The following SNTG1 variants were observed in gnomAD, a reference collection of about 807,000 sequenced individuals.
SNTG1 encodes syntrophin gamma 1.
A neutral mutation model predicts 74.7 loss-of-function variants in SNTG1; 39 were observed. The ratio of observed to expected loss-of-function variants is 0.52; its 90% CI spans 0.40 to 0.68. The LOEUF is 0.68. Ranked by LOEUF, SNTG1 falls within the 30% of genes least tolerant of loss-of-function variation. SNTG1 has a pLI of 0.00. For synonymous variants in SNTG1, 254 were observed against 217.1 expected (o/e 1.17, Z -1.49); for missense variants, 685 against 609.5 (o/e 1.12, Z -1.30).
intron 17 of SNTG1, among the ~76,000 whole-genome samples, chr8:50,714,080 T>C (rs113916629): frequency 7.5e-6 from 1 of 133,876 alleles, no homozygotes; most frequent in Non-Finnish European, 1.6e-5. Flanking sequence ...AAAAAAAAGG[T>C]GGGGGGAGGG....
chr8:50,126,854 C>G (rs997381138), intron 1 of SNTG1, among the ~76,000 whole-genome samples: 1 of 152,010 alleles, frequency 6.6e-6, no homozygotes, highest in African/African-American at 2.4e-5. Flanking sequence ...AGGTGAGTAC[C>G]AGGCTCCACA....
At chr8:50,294,676 T>C (rs558224106) in intron 2 of SNTG1, among the ~76,000 whole-genome samples, 1 of 152,200 alleles carries the variant, frequency 6.6e-6, no homozygotes, top group Non-Finnish European at 1.5e-5. Context: ...TTCCCCAGAG[T>C]CCACAGATTT....
intron 17 of SNTG1, among the ~76,000 whole-genome samples, chr8:50,748,437 G>GATAT (rs1022656647): frequency 1.3e-5 from 2 of 151,972 alleles, no homozygotes; most frequent in African/African-American, 4.8e-5. Context: ...GATCACTGGT[G>GATAT]ATATGTTAAA....
intron 17 of SNTG1, among the ~76,000 whole-genome samples, chr8:50,738,331 AC>A (rs1221218327): frequency 2.0e-5 from 3 of 152,166 alleles, no homozygotes; most frequent in African/African-American, 4.8e-5. Context: ...AGAATAAAAT[AC>A]CTAGGGATAC....
chr8:50,132,534 G>C (rs1157488064), intron 1 of SNTG1, among the ~76,000 whole-genome samples: 1 of 152,070 alleles, frequency 6.6e-6, no homozygotes, highest in Non-Finnish European at 1.5e-5. Context: ...AAGAATTACA[G>C]GTCCCAGGCA....
chr8:50,359,223 T>A (rs2957601), intron 2 of SNTG1, among the ~76,000 whole-genome samples: 8 of 151,964 alleles, frequency 5.3e-5, no homozygotes, highest in African/African-American at 9.7e-5. Context: ...TGAGTTCAGC[T>A]CCTTAGTCCA....
intron 3 of SNTG1, among the ~76,000 whole-genome samples, chr8:50,398,885 G>A (rs1460429931): frequency 6.6e-6 from 1 of 152,132 alleles, no homozygotes; most frequent in Non-Finnish European, 1.5e-5. Context: ...AGCCAAGATC[G>A]CTCCACTGCA....
At chr8:50,274,169 C>T (rs2087949211) in intron 2 of SNTG1, among the ~76,000 whole-genome samples, 1 of 151,984 alleles carries the variant, frequency 6.6e-6, no homozygotes, top group South Asian at 2.1e-4. Context: ...CTCACTGCAC[C>T]CTCGCCTCCC....
At chr8:50,230,141 T>C (rs1467418048) in intron 2 of SNTG1, among the ~76,000 whole-genome samples, 2 of 151,368 alleles carry the variant, frequency 1.3e-5, no homozygotes, top group Admixed American at 1.3e-4. Context: ...TCTGAAACAA[T>C]AATGTCAGCT....
chr8:50,213,795 ATTTG>A (rs1586716573), intron 2 of SNTG1, among the ~76,000 whole-genome samples: 1 of 151,594 alleles, frequency 6.6e-6, no homozygotes, highest in Admixed American at 6.6e-5. Context: ...TTTCTTGTAA[ATTTG>A]TTTGAGTTCA....
intron 1 of SNTG1, among the ~76,000 whole-genome samples, chr8:50,139,368 C>G (rs963249271): frequency 1.3e-5 from 2 of 152,094 alleles, no homozygotes; most frequent in African/African-American, 4.8e-5. Context: ...CTAAATATGA[C>G]TTATTTGCCT....
intron 1 of SNTG1, among the ~76,000 whole-genome samples, chr8:49,952,106 C>T (rs1333685906): frequency 6.6e-6 from 1 of 152,094 alleles, no homozygotes; most frequent in African/African-American, 2.4e-5. Context: ...TTTTTATCAT[C>T]AACAGACTGT....
chr8:50,179,416 T>C (rs1035590806), intron 2 of SNTG1, among the ~76,000 whole-genome samples: 4 of 152,066 alleles, frequency 2.6e-5, no homozygotes, highest in Non-Finnish European at 4.4e-5. Flanking sequence ...TTAAAAATAT[T>C]AAAACTTTCA....
Position 50,039,548 on chromosome 8 carries a change from T to C in SNTG1, c.-103+127317T>C, listed in dbSNP as rs189623951. ...GTATCAGCACAGGCGAGGCCTCTCA[T>C]TGGGATGCATCAACTGATCCATTTT... On this transcript the variant is annotated intron_variant, in intron 1 of 18. Transcript: ENST00000642720. Among the ~76,000 whole-genome samples, 244 of 151,492 alleles carry C rather than the reference T, an allele frequency of 1.6e-3. 3 individuals carry two copies. Among genetic ancestry groups the C allele is most frequent in the Middle Eastern group, 0.01 (3 of 294 alleles).
chr8:50,042,043 C>T (rs1818683223), intron 1 of SNTG1, among the ~76,000 whole-genome samples: 1 of 152,152 alleles, frequency 6.6e-6, no homozygotes, highest in African/African-American at 2.4e-5. Context: ...CCCTGATAAA[C>T]CAATTATAAA....
chr8:50,597,363 ATATACATG>A (rs2094736128), intron 13 of SNTG1, among the ~76,000 whole-genome samples: 20 of 110,108 alleles, frequency 1.8e-4, no homozygotes, highest in African/African-American at 6.1e-4. Flanking sequence ...ATATATACAC[ATATACATG>A]TATATATACA....
At chr8:50,729,123 C>A (rs998780403) in intron 17 of SNTG1, among the ~76,000 whole-genome samples, 1 of 152,174 alleles carries the variant, frequency 6.6e-6, no homozygotes, top group Non-Finnish European at 1.5e-5. Flanking sequence ...TTGAGTGGTG[C>A]AGGTCCTAGG....
intron 13 of SNTG1, among the ~76,000 whole-genome samples, chr8:50,609,680 A>G (rs1440080643): frequency 6.6e-6 from 1 of 152,062 alleles, no homozygotes; most frequent in Non-Finnish European, 1.5e-5. Flanking sequence ...TATGCTTAAC[A>G]CTTTTCCAAA....
chr8:50,760,512 C>T (rs935577891), intron 18 of SNTG1, among the ~76,000 whole-genome samples: 9 of 151,932 alleles, frequency 5.9e-5, no homozygotes, highest in Non-Finnish European at 7.4e-5. Context: ...GAGATATGTT[C>T]CATCAATAAC....
Sources: gnomAD v4.1 joint callset for allele counts (sites outside exome capture counted in the v4.1 genomes callset) on GRCh38, gnomAD v4.1.1 for gene constraint, MANE v1.5 for transcripts, NCBI Gene and HGNC (gene_info 2026-07-23, HGNC 2026-07-21) for gene names.